The following RFX7 variants were observed in gnomAD, a reference collection of about 807,000 sequenced individuals.
RFX7 encodes DNA-binding protein RFX7.
A neutral mutation model predicts 111.8 loss-of-function variants in RFX7; 26 were observed. The ratio of observed to expected loss-of-function variants is 0.23; its 90% CI spans 0.17 to 0.32. RFX7 has a LOEUF of 0.32. Ranked by LOEUF, RFX7 falls within the 10% of genes least tolerant of loss-of-function variation. The probability of loss-of-function intolerance (pLI) is 1.00; values close to 1 mark genes in which losing one functional copy is unlikely to be tolerated. For missense variants in RFX7, 1,573 were observed against 1,772.9 expected (o/e 0.89, Z 2.02); for synonymous variants, 624 against 624.4 (o/e 1.00, Z 0.01).
rs1595914218 is a variant in RFX7 at position 56,088,193 on chromosome 15, C to T, written c.*5152G>A. ...TCAAAGAAGCAACCAGATCATACAACTGCAGTAGGTACACTGTGAACACAT... is the reference window on the plus strand; with the variant it reads ...TCAAAGAAGCAACCAGATCATACAATTGCAGTAGGTACACTGTGAACACAT... On this transcript the variant is annotated 3_prime_UTR_variant, in exon 10 of 10. Coordinates refer to ENST00000559447, the MANE Select transcript of RFX7 (RefSeq NM_022841.7). 5.3e-6 allele frequency: 1 copy of T among 188,518 alleles called. No homozygotes were observed. The highest frequency in any genetic ancestry group is 1.1e-5 in the Non-Finnish European group (1 of 89,284). 11.7% of individuals were successfully genotyped at this position (188,518 alleles called of 1,614,324 possible).
chr15:56,228,945 GAATA>G (rs1384664174), intron 2 of RFX7, among the ~76,000 whole-genome samples: 3 of 152,018 alleles, frequency 2.0e-5, no homozygotes, highest in East Asian at 1.9e-4. Context: ...GAACAAAATA[GAATA>G]AATAGTAAAA....
Position 56,214,271 on chromosome 15 carries a change from G to A in RFX7, c.161+28854C>T, listed in dbSNP as rs1172903551. Among the ~76,000 whole-genome samples the A allele has an allele frequency of 3.3e-5, 5 of 151,926 alleles. No homozygotes were observed. In the South Asian group the frequency reaches 8.3e-4, roughly 25 times the overall value. On this transcript the variant is annotated intron_variant, in intron 2 of 9. Coordinates refer to ENST00000559447, the MANE Select transcript of RFX7 (RefSeq NM_022841.7). ...CAAAAGCTTAAAATCAGACTGTCAG[G>A]TTTTTTGAAAAATATTTTGATTAAA...
intron 5 of RFX7, among the ~76,000 whole-genome samples, chr15:56,104,950 T>A (rs1488661490): frequency 6.6e-6 from 1 of 152,204 alleles, no homozygotes; most frequent in Non-Finnish European, 1.5e-5. Context: ...CTTTGAGGGC[T>A]CAGGGGGTCT....
At chr15:56,137,800 T>G (rs1310818248) in intron 5 of RFX7, among the ~76,000 whole-genome samples, 1 of 152,104 alleles carries the variant, frequency 6.6e-6, no homozygotes, top group Non-Finnish European at 1.5e-5. Flanking sequence ...GTCCCAGAGA[T>G]TCTGGTATGT....
chr15:56,134,422 AACTAAAATACCCAG>A (rs1409550447), intron 5 of RFX7, among the ~76,000 whole-genome samples: 4 of 152,126 alleles, frequency 2.6e-5, no homozygotes, highest in Non-Finnish European at 5.9e-5. Flanking sequence ...AAATTTTTTG[AACTAAAATACCCAG>A]ACTCAGATAT....
chr15:56,168,000 T>C (rs1397588872), intron 3 of RFX7, among the ~76,000 whole-genome samples: 1 of 152,230 alleles, frequency 6.6e-6, no homozygotes, highest in East Asian at 1.9e-4. Context: ...GAACATTTTC[T>C]TGATTATAAG....
chr15:56,215,994 C>A (rs1451862446), intron 2 of RFX7, among the ~76,000 whole-genome samples: 9 of 152,138 alleles, frequency 5.9e-5, no homozygotes. Flanking sequence ...TCTGCCAGAA[C>A]AAACAATTCA....
chr15:56,119,245 C>G (rs1442809387), intron 5 of RFX7, among the ~76,000 whole-genome samples: 1 of 152,126 alleles, frequency 6.6e-6, no homozygotes, highest in Non-Finnish European at 1.5e-5. Context: ...TAGGGTATTG[C>G]TCAAGAAATT....
intron 2 of RFX7, among the ~76,000 whole-genome samples, chr15:56,214,239 C>T (rs2043340584): frequency 6.6e-6 from 1 of 152,098 alleles, no homozygotes. Context: ...GCCATTTTTT[C>T]TTCCACCAAA....
At chr15:56,101,751 C>T (rs1202934451) in intron 7 of RFX7, among the ~76,000 whole-genome samples, 185 bp from the exon 8 acceptor site, 3 of 152,186 alleles carry the variant, frequency 2.0e-5, no homozygotes, top group African/African-American at 7.2e-5. Context: ...CACTAGTGCA[C>T]AGCAGTCAGC....
intron 5 of RFX7, among the ~76,000 whole-genome samples, chr15:56,136,931 G>C (rs1387604792): frequency 2.7e-5 from 4 of 148,740 alleles, no homozygotes; most frequent in African/African-American, 5.0e-5. Flanking sequence ...ATTGATTTGT[G>C]TATATTGAAC....
intron 3 of RFX7, among the ~76,000 whole-genome samples, chr15:56,157,055 G>A (rs747360536): frequency 6.6e-6 from 1 of 152,150 alleles, no homozygotes; most frequent in Admixed American, 6.5e-5. Context: ...GGAACTGCCC[G>A]TTCATTTCTT....
intron 2 of RFX7, among the ~76,000 whole-genome samples, chr15:56,201,770 C>A (rs1464574181): frequency 2.0e-5 from 3 of 152,156 alleles, no homozygotes; most frequent in African/African-American, 4.8e-5. Flanking sequence ...GTGGCTCATG[C>A]CTGTAATCCC....
Position 56,094,579 on chromosome 15 carries a change from T to G in RFX7, c.3149A>C (p.Gln1050Pro). Residue 1050 changes from glutamine (Q) to proline (P), a missense_variant, in exon 10 of 10, where the codon CAA becomes CCA. By Grantham distance (76) the Gln-to-Pro change is moderately conservative (BLOSUM62 -1). Coordinates refer to ENST00000559447, the MANE Select transcript of RFX7 (RefSeq NM_022841.7). ...GTCAGGGTGTGTGGCCATGGGTCTTTGCATCGGTTTCACAGGACTACTTGA... is the reference window on the plus strand; with the variant it reads ...GTCAGGGTGTGTGGCCATGGGTCTTGGCATCGGTTTCACAGGACTACTTGA... ...IVSSSPVKPM[Q>P]RPMATHPDKT... is the part of the protein sequence containing the mutation. 2 of 1,613,980 alleles carry G rather than the reference T, an allele frequency of 1.2e-6. No individual in the cohort carries two copies. Among genetic ancestry groups the G allele is most frequent in the Non-Finnish European group, 1.7e-6 (2 of 1,179,868 alleles).
In RFX7 at chr15:56,243,537, G is replaced by A. The variant is rs2043744491; in HGVS notation, c.-95C>T. ...TCACGGCCGGGGCGCTTCACCGCGG[G>A]AGAGGCATGGCGGCGCCCCTCAGCC... On this transcript the variant is annotated 5_prime_UTR_variant, in exon 1 of 10. Transcript: ENST00000559447. The A allele has an allele frequency of 2.0e-6, 2 of 983,504 alleles. No individual in the cohort carries two copies. The highest frequency in any genetic ancestry group is 4.7e-5 in the South Asian group (1 of 21,234). The allele number at this position is 983,504 out of a possible 1,614,324, so 60.9% of individuals were successfully genotyped here.
chr15:56,195,413 TA>T (rs1286271139), intron 2 of RFX7, among the ~76,000 whole-genome samples: 1 of 152,128 alleles, frequency 6.6e-6, no homozygotes, highest in Admixed American at 6.5e-5. Flanking sequence ...TTTTACTTAA[TA>T]AAAAATAATT....
chr15:56,171,718 A>G (rs1196583361), intron 3 of RFX7, among the ~76,000 whole-genome samples: 2 of 152,214 alleles, frequency 1.3e-5, no homozygotes, highest in East Asian at 1.9e-4. Flanking sequence ...TTAATTTGTT[A>G]TAGCAGCAAT....
Position 56,089,602 on chromosome 15 carries a change from T to C in RFX7, c.*3743A>G, listed in dbSNP as rs2041570376. 1 of 152,122 alleles carries C rather than the reference T, an allele frequency of 6.6e-6. No individual in the cohort carries two copies. Among genetic ancestry groups the C allele is most frequent in the South Asian group, 2.1e-4 (1 of 4,824 alleles). The allele number at this position is 152,122 out of a possible 1,614,324, so 9.4% of individuals were successfully genotyped here. A position where few individuals can be genotyped will look rare whatever the true frequency, so the allele number is the denominator to read the frequency against. ...GTTCTTATGTTTGCCTGCTCTGACA[T>C]TTTACCCTTCCATGTCATTGAGCAC... On this transcript the variant is annotated 3_prime_UTR_variant, in exon 10 of 10. Transcript: ENST00000559447.
chr15:56,142,087 A>G (rs980171355), intron 5 of RFX7, among the ~76,000 whole-genome samples: 6 of 152,236 alleles, frequency 3.9e-5, no homozygotes, highest in Non-Finnish European at 8.8e-5. Flanking sequence ...TGACCTTTCA[A>G]TATGCCCTCA....
Sources: allele counts gnomAD v4.1 joint callset (sites outside exome capture counted in the v4.1 genomes callset), GRCh38; gene constraint gnomAD v4.1.1; transcripts MANE v1.5; gene names NCBI Gene and HGNC (gene_info 2026-07-23, HGNC 2026-07-21).